CDH13: variants seen among roughly 807,000 people sequenced by gnomAD.
CDH13 encodes the protein cadherin-13.
In CDH13, 24 loss-of-function variants were observed where a neutral mutation model predicts 63.8. That is an observed-to-expected ratio of 0.38 (90% CI 0.27 to 0.53). CDH13 has a LOEUF of 0.53. Ranked by LOEUF, CDH13 falls within the 20% of genes least tolerant of loss-of-function variation. The probability of loss-of-function intolerance (pLI) is 0.85; values close to 1 mark genes in which losing one functional copy is unlikely to be tolerated. For synonymous variants in CDH13, 503 were observed against 355.3 expected (o/e 1.42, Z -4.67); for missense variants, 1,049 against 903.1 (o/e 1.16, Z -2.07).
intron 6 of CDH13, among the ~76,000 whole-genome samples, chr16:83,408,184 A>T (rs2092075524): frequency 6.6e-6 from 1 of 152,108 alleles, no homozygotes; most frequent in African/African-American, 2.4e-5. Context: ...TGACTGTATC[A>T]CTCTGATCAT....
intron 1 of CDH13, chr16:82,639,250 G>A (rs778896086): frequency 1.7e-6 from 1 of 578,934 alleles, no homozygotes; most frequent in Non-Finnish European, 2.9e-6. Context: ...GTCTCTCAAA[G>A]TGGGTCTGGG....
At position 83,500,055 on chromosome 16, in the gene CDH13, G is replaced by A. The variant is rs926873145; in HGVS notation, c.960+13400G>A. The stretch of plus-strand genomic sequence containing the variant: ...TGACTTCAGGCGATCCGCCCACCTC[G>A]GCCTCCCAAAGCCCTGGGATTACAG... On this transcript the variant is annotated intron_variant, in intron 7 of 13. Coordinates refer to ENST00000567109, the MANE Select transcript of CDH13 (RefSeq NM_001257.5). 5.3e-5 allele frequency among the ~76,000 whole-genome samples: 8 copies of A among 151,782 alleles called. No homozygotes were observed. The East Asian group carries it at 5.9e-4, about 11-fold the overall frequency.
At chr16:83,703,780 CTA>C in intron 10 of CDH13, among the ~76,000 whole-genome samples, 1 of 152,290 alleles carries the variant, frequency 6.6e-6, no homozygotes, top group African/African-American at 2.4e-5. Context: ...CTCAGAGGTA[CTA>C]TGTTTCTTTT....
At chr16:83,610,940 C>T (rs1908802829) in intron 8 of CDH13, among the ~76,000 whole-genome samples, 1 of 152,104 alleles carries the variant, frequency 6.6e-6, no homozygotes, top group African/African-American at 2.4e-5. Flanking sequence ...TATATATTTT[C>T]CCCAACATTT....
At chr16:82,654,286 T>C (rs1911056170) in intron 1 of CDH13, among the ~76,000 whole-genome samples, 2 of 152,184 alleles carry the variant, frequency 1.3e-5, no homozygotes, top group Admixed American at 1.3e-4. Context: ...GGTCTTGGTT[T>C]CTTATTCAAG....
At chr16:83,244,044 C>G (rs977733049) in intron 5 of CDH13, among the ~76,000 whole-genome samples, 1 of 152,108 alleles carries the variant, frequency 6.6e-6, no homozygotes, top group African/African-American at 2.4e-5. Context: ...TCCATCCTCA[C>G]TTCTGCCACC....
intron 7 of CDH13, among the ~76,000 whole-genome samples, chr16:83,491,111 G>A (rs556328667): frequency 1.5e-4 from 23 of 152,260 alleles, no homozygotes; most frequent in African/African-American, 5.5e-4. Context: ...TTTATTATAG[G>A]TGAAAGCTTA....
At chr16:83,405,435 G>C (rs767631866) in intron 6 of CDH13, among the ~76,000 whole-genome samples, 1 of 152,194 alleles carries the variant, frequency 6.6e-6, no homozygotes, top group African/African-American at 2.4e-5. Context: ...AGTGGTCAGA[G>C]AGGAAAGGTG....
At chr16:83,644,729 G>C (rs1567476162) in intron 8 of CDH13, among the ~76,000 whole-genome samples, 1 of 152,200 alleles carries the variant, frequency 6.6e-6, no homozygotes, top group African/African-American at 2.4e-5. Flanking sequence ...TTCTAGGCCT[G>C]TGAATGGTTC....
At chr16:83,291,449 C>G (rs542075562) in intron 5 of CDH13, among the ~76,000 whole-genome samples, 2 of 152,258 alleles carry the variant, frequency 1.3e-5, no homozygotes, top group African/African-American at 4.8e-5. Context: ...CTTCCTTCCA[C>G]CACCTGATAG....
chr16:82,873,899 G>T (rs1163059361), intron 2 of CDH13, among the ~76,000 whole-genome samples: 4 of 151,808 alleles, frequency 2.6e-5, no homozygotes, highest in African/African-American at 9.7e-5. Flanking sequence ...CATGTTCTAG[G>T]GATACTTGTT....
chr16:83,322,807 A>G (rs2090260230), intron 5 of CDH13, among the ~76,000 whole-genome samples: 1 of 152,168 alleles, frequency 6.6e-6, no homozygotes, highest in African/African-American at 2.4e-5. Context: ...CAGTACCTAC[A>G]GGTTATAATT....
At chr16:83,167,909 G>A (rs541024572) in intron 4 of CDH13, among the ~76,000 whole-genome samples, 3 of 152,182 alleles carry the variant, frequency 2.0e-5, no homozygotes, top group Non-Finnish European at 1.5e-5. Context: ...CAACATGGAT[G>A]CAGCCAGGGG....
chr16:83,478,108 C>T lies in CDH13; in HGVS notation c.782-8369C>T, dbSNP rs138910262. Among the ~76,000 whole-genome samples the T allele has an allele frequency of 3.9e-3, 583 of 150,130 alleles. 2 individuals are homozygous for T. The highest frequency in any genetic ancestry group is 0.014 in the African/African-American group (561 of 40,680). On this transcript the variant is annotated intron_variant, in intron 6 of 13. Coordinates refer to ENST00000567109, the MANE Select transcript of CDH13 (RefSeq NM_001257.5). ...CCAAGAGGCGGAGCTTGCAGTGAGC[C>T]GAGATCACGCCACTGCACTCCAGCC...
chr16:83,073,402 A>G (rs915832760), intron 3 of CDH13, among the ~76,000 whole-genome samples: 3 of 149,048 alleles, frequency 2.0e-5, no homozygotes, highest in South Asian at 2.1e-4. Flanking sequence ...ACACCATACT[A>G]CCTCCATTTT....
At chr16:82,692,354 T>C (rs372139969) in intron 1 of CDH13, among the ~76,000 whole-genome samples, 1 of 152,230 alleles carries the variant, frequency 6.6e-6, no homozygotes, top group African/African-American at 2.4e-5. Context: ...AGAGGATTAA[T>C]TGACTCACAG....
intron 5 of CDH13, among the ~76,000 whole-genome samples, chr16:83,288,061 T>A (rs993635333): frequency 2.0e-5 from 3 of 152,258 alleles, no homozygotes; most frequent in Admixed American, 2.0e-4. Context: ...GTATCCTGTC[T>A]GTATTTAAAA....
At chr16:83,120,484 G>A (rs2035515151) in intron 3 of CDH13, among the ~76,000 whole-genome samples, 1 of 152,138 alleles carries the variant, frequency 6.6e-6, no homozygotes, top group Admixed American at 6.5e-5. Flanking sequence ...GACACATTTA[G>A]ACATACATTG....
chr16:82,825,112 T>C (rs1207034432), intron 1 of CDH13: 1 of 152,182 alleles, frequency 6.6e-6, no homozygotes, highest in Non-Finnish European at 1.5e-5. Context: ...ATCATACGAA[T>C]CTCTCCACTT....
Sources: allele counts gnomAD v4.1 joint callset (sites outside exome capture counted in the v4.1 genomes callset), GRCh38; gene constraint gnomAD v4.1.1; transcripts MANE v1.5; gene names NCBI Gene and HGNC (gene_info 2026-07-23, HGNC 2026-07-21).